The following FBXL7 variants were observed in gnomAD, a reference collection of about 807,000 sequenced individuals.
FBXL7 encodes the protein F-box and leucine rich repeat protein 7.
A neutral mutation model predicts 38.3 loss-of-function variants in FBXL7; 12 were observed. The ratio of observed to expected loss-of-function variants is 0.31; its 90% CI spans 0.20 to 0.51. The LOEUF is 0.51. Among genes scored for constraint, FBXL7 ranks in the 20% least tolerant of loss-of-function variants. The pLI is 0.98. For missense variants in FBXL7, 567 were observed against 676.4 expected, an observed-to-expected ratio of 0.84 and a Z score of 1.79; for synonymous variants, 297 against 300.9, an observed-to-expected ratio of 0.99 and a Z score of 0.13.
At chr5:15,526,261 G>A (rs1482235303) in intron 1 of FBXL7, among the ~76,000 whole-genome samples, 3 of 152,114 alleles carry the variant, frequency 2.0e-5, no homozygotes, top group Admixed American at 2.0e-4. Context: ...GGAATGGCTG[G>A]CAGGGTTGGT....
intron 2 of FBXL7, among the ~76,000 whole-genome samples, chr5:15,620,287 CA>C (rs1385831120): frequency 1.4e-5 from 2 of 146,810 alleles, no homozygotes; most frequent in Non-Finnish European, 3.0e-5. Flanking sequence ...ATCTGGAGTG[CA>C]GTGGCTCAAT....
chr5:15,814,850 T>A (rs1737972280), intron 2 of FBXL7, among the ~76,000 whole-genome samples: 1 of 152,116 alleles, frequency 6.6e-6, no homozygotes, highest in Non-Finnish European at 1.5e-5. Context: ...TCCCACCATA[T>A]TTTTCTTGGA....
chr5:15,789,797 G>T (rs1737227127), intron 2 of FBXL7, among the ~76,000 whole-genome samples: 1 of 152,212 alleles, frequency 6.6e-6, no homozygotes, highest in Non-Finnish European at 1.5e-5. Flanking sequence ...GAGGCAGAGT[G>T]GACCAGGGGT....
At chr5:15,719,431 A>G (rs1017757598) in intron 2 of FBXL7, among the ~76,000 whole-genome samples, 4 of 149,758 alleles carry the variant, frequency 2.7e-5, no homozygotes, top group African/African-American at 9.7e-5. Context: ...AAGATATCCT[A>G]TAAGACAGTT....
intron 2 of FBXL7, among the ~76,000 whole-genome samples, chr5:15,725,118 G>A (rs1442482807): frequency 6.6e-6 from 1 of 152,048 alleles, no homozygotes; most frequent in Non-Finnish European, 1.5e-5. Context: ...ACATTTTCTA[G>A]TATTTTTTCC....
intron 2 of FBXL7, among the ~76,000 whole-genome samples, chr5:15,870,558 G>T (rs1408979268): frequency 6.6e-6 from 1 of 152,168 alleles, no homozygotes; most frequent in Non-Finnish European, 1.5e-5. Context: ...GTAAGAAAAA[G>T]ATGGTGGGGG....
At chr5:15,768,328 G>T (rs757437454) in intron 2 of FBXL7, among the ~76,000 whole-genome samples, 1 of 151,990 alleles carries the variant, frequency 6.6e-6, no homozygotes, top group Non-Finnish European at 1.5e-5. Context: ...TCAGGAGATC[G>T]AGACCATCCT....
At chr5:15,916,497 A>G (rs1006015249) in intron 2 of FBXL7, among the ~76,000 whole-genome samples, 4 of 152,116 alleles carry the variant, frequency 2.6e-5, no homozygotes, top group Non-Finnish European at 4.4e-5. Context: ...TAAGAGTGCA[A>G]CCCTTGGGGA....
chr5:15,724,770 G>T (rs920041701), intron 2 of FBXL7, among the ~76,000 whole-genome samples: 10 of 152,124 alleles, frequency 6.6e-5, no homozygotes, highest in African/African-American at 2.4e-4. Flanking sequence ...CTTATCAGTT[G>T]TTCCCTTTAA....
chr5:15,593,780 C>T (rs1395967089), intron 1 of FBXL7, among the ~76,000 whole-genome samples: 1 of 151,992 alleles, frequency 6.6e-6, no homozygotes, highest in Non-Finnish European at 1.5e-5. Context: ...TGCTATTTCT[C>T]TGTGCTAATT....
intron 2 of FBXL7, among the ~76,000 whole-genome samples, chr5:15,896,441 C>T (rs999357300): frequency 6.6e-6 from 1 of 152,182 alleles, no homozygotes; most frequent in Non-Finnish European, 1.5e-5. Flanking sequence ...CGACCTATCT[C>T]ATAGTTCCAG....
chr5:15,620,734 G>A (rs1056139530), intron 2 of FBXL7, among the ~76,000 whole-genome samples: 1 of 152,172 alleles, frequency 6.6e-6, no homozygotes, highest in African/African-American at 2.4e-5. Flanking sequence ...CTGGACTAGT[G>A]TTCCCAGCCT....
chr5:15,822,140 C>T (rs1254087093), intron 2 of FBXL7, among the ~76,000 whole-genome samples: 2 of 149,754 alleles, frequency 1.3e-5, no homozygotes, highest in African/African-American at 4.9e-5. Flanking sequence ...ATCACGAGGT[C>T]AGGAGATCGA....
chr5:15,560,021 T>A (rs2126435717), intron 1 of FBXL7, among the ~76,000 whole-genome samples: 1 of 152,298 alleles, frequency 6.6e-6, no homozygotes, highest in South Asian at 2.1e-4. Context: ...AACACTAGCA[T>A]TATAAGCACA....
At chr5:15,921,563 A>G (rs927456504) in intron 2 of FBXL7, among the ~76,000 whole-genome samples, 6 of 152,144 alleles carry the variant, frequency 3.9e-5, no homozygotes, top group Admixed American at 1.3e-4. Flanking sequence ...ATTCCCAGGG[A>G]AAAAAAGTTT....
chr5:15,736,754 A>G (rs894731098), intron 2 of FBXL7, among the ~76,000 whole-genome samples: 3 of 152,278 alleles, frequency 2.0e-5, no homozygotes, highest in Non-Finnish European at 2.9e-5. Flanking sequence ...AAGACATTCA[A>G]ATTCTCAGCC....
intron 2 of FBXL7, among the ~76,000 whole-genome samples, chr5:15,830,611 A>C (rs1006052808): frequency 6.6e-6 from 1 of 152,110 alleles, no homozygotes; most frequent in South Asian, 2.1e-4. Context: ...GGAGACCCTC[A>C]AGTTGTACAA....
At chr5:15,745,051 G>A (rs969364990) in intron 2 of FBXL7, among the ~76,000 whole-genome samples, 8 of 152,052 alleles carry the variant, frequency 5.3e-5, no homozygotes, top group South Asian at 2.1e-4. Context: ...TGGGGACATA[G>A]CCAAACTATA....
chr5:15,793,112 C>G (rs1473669352), intron 2 of FBXL7, among the ~76,000 whole-genome samples: 1 of 152,156 alleles, frequency 6.6e-6, no homozygotes, highest in African/African-American at 2.4e-5. Context: ...GATGGAGGAG[C>G]CTTCCCCTGG....
Sources: allele counts gnomAD v4.1 joint callset (sites outside exome capture counted in the v4.1 genomes callset), GRCh38; gene constraint gnomAD v4.1.1; transcripts MANE v1.5; gene names NCBI Gene and HGNC (gene_info 2026-07-23, HGNC 2026-07-21).